GBP7: variants seen among roughly 807,000 people sequenced by gnomAD.
GBP7 encodes the protein guanylate-binding protein 7.
A neutral mutation model predicts 61.3 loss-of-function variants in GBP7; 43 were observed. The observed-to-expected ratio is 0.70, with a 90% CI of 0.55 to 0.91. The LOEUF is 0.91. Among genes scored for constraint, GBP7 ranks in the 40% least tolerant of loss-of-function variants. The pLI is 0.00. For missense variants in GBP7, 717 were observed against 740.5 expected, an observed-to-expected ratio of 0.97 and a Z score of 0.37; for synonymous variants, 267 against 271.0, an observed-to-expected ratio of 0.99 and a Z score of 0.14.
intron 6 of GBP7, 54 bp downstream of exon 6, chr1:89,150,276 G>GT (rs1682161780): frequency 2.0e-6 from 3 of 1,536,434 alleles, no homozygotes; most frequent in African/African-American, 1.4e-5. Flanking sequence ...TAGTTTACTA[G>GT]TTTTTGAGAT....
intron 2 of GBP7, among the ~76,000 whole-genome samples, chr1:89,167,851 A>G (rs1647485082): frequency 6.6e-6 from 1 of 152,230 alleles, no homozygotes; most frequent in African/African-American, 2.4e-5. Flanking sequence ...GACATTCCCA[A>G]CCAGATTCAT....
chr1:89,153,840 T>A (rs1234860069), intron 3 of GBP7, among the ~76,000 whole-genome samples: 5 of 152,132 alleles, frequency 3.3e-5, no homozygotes, highest in Non-Finnish European at 5.9e-5. Context: ...TCAAATAAGA[T>A]GGCAGTAGGT....
At chr1:89,135,423 G>A (rs1681777098) in intron 9 of GBP7, among the ~76,000 whole-genome samples, 1 of 151,940 alleles carries the variant, frequency 6.6e-6, no homozygotes, top group African/African-American at 2.4e-5. Flanking sequence ...CAGTGCAAAA[G>A]AAAAAATATT....
rs1457763089 is a variant in GBP7, at chr1:89,149,590, T to C, written c.872-18A>G. ...CCCCAGCCCTGAATGATTTAGGAAA[T>C]TTAGGGAATAGATAGAAAGTTTTCA... On this transcript the variant is annotated intron_variant, in intron 6 of 10. Coordinates refer to ENST00000294671, the MANE Select transcript of GBP7 (RefSeq NM_207398.3). 1 of 1,593,482 alleles carries C rather than the reference T, an allele frequency of 6.3e-7. No homozygotes were observed. Among genetic ancestry groups the C allele is most frequent in the East Asian group, 2.3e-5 (1 of 44,418 alleles).
At chr1:89,173,815 T>G (rs1647667230) in intron 1 of GBP7, among the ~76,000 whole-genome samples, 1 of 152,184 alleles carries the variant, frequency 6.6e-6, no homozygotes, top group East Asian at 1.9e-4. Flanking sequence ...AATGCAGAGC[T>G]TTTCAAAAAG....
intron 9 of GBP7, among the ~76,000 whole-genome samples, chr1:89,134,067 A>G (rs889162389): frequency 5.9e-5 from 9 of 152,146 alleles, no homozygotes; most frequent in African/African-American, 1.9e-4. Context: ...AGCCTCTCTC[A>G]TGGTCCCTGC....
chr1:89,161,805 C>A (rs927367256), intron 3 of GBP7, among the ~76,000 whole-genome samples: 17 of 152,032 alleles, frequency 1.1e-4, no homozygotes, highest in African/African-American at 3.9e-4. Context: ...GCTTTTGTTA[C>A]TATAGCTTTT....
At chr1:89,174,164 G>T (rs754453740) in intron 1 of GBP7, among the ~76,000 whole-genome samples, 2 of 152,120 alleles carry the variant, frequency 1.3e-5, no homozygotes, top group Admixed American at 6.5e-5. Context: ...CATTTAGATT[G>T]TTTCAAATAT....
chr1:89,158,655 G>A (rs1455748361), intron 3 of GBP7, among the ~76,000 whole-genome samples: 1 of 151,908 alleles, frequency 6.6e-6, no homozygotes, highest in East Asian at 1.9e-4. Context: ...ACTTACAAGG[G>A]ATGTGAAGGA....
intron 2 of GBP7, among the ~76,000 whole-genome samples, chr1:89,167,425 G>GT (rs1029070917): frequency 1.3e-5 from 2 of 152,096 alleles, no homozygotes; most frequent in African/African-American, 2.4e-5. Context: ...AGTACTCTGT[G>GT]TTTTTTTGTT....
intron 2 of GBP7, among the ~76,000 whole-genome samples, chr1:89,168,981 A>C (rs28769895): frequency 6.7e-6 from 1 of 149,870 alleles, no homozygotes; most frequent in Non-Finnish European, 1.5e-5. Context: ...AGTTAAAAAA[A>C]AAACAAAAAA....
chr1:89,153,142 T>C (rs998274986), intron 3 of GBP7, among the ~76,000 whole-genome samples: 7 of 152,234 alleles, frequency 4.6e-5, no homozygotes, highest in Non-Finnish European at 8.8e-5. Context: ...ACTTTTTGTA[T>C]GCAATAAACT....
intron 3 of GBP7, among the ~76,000 whole-genome samples, chr1:89,163,178 G>T (rs1647323711): frequency 1.3e-5 from 2 of 152,010 alleles, no homozygotes; most frequent in Admixed American, 6.6e-5. Flanking sequence ...ATTTTGTTGA[G>T]GATTTTTGCA....
At position 89,162,605 on chromosome 1, in the gene GBP7, C is replaced by T. The variant is rs1458294999; in HGVS notation, c.318+2126G>A. Among the ~76,000 whole-genome samples, 12 of 152,180 alleles carry T rather than the reference C, an allele frequency of 7.9e-5. No individual in the cohort carries two copies. The South Asian group carries it at 2.5e-3, about 32-fold the overall frequency. On this transcript the variant is annotated intron_variant, in intron 3 of 10. Transcript: ENST00000294671. ...AGGAATGTTAGTGATTTTTGCATAT[C>T]GATTTTGTATCCTGAGACTTTGCTG...
chr1:89,139,230 C>G (rs920322426), intron 9 of GBP7, among the ~76,000 whole-genome samples: 5 of 152,194 alleles, frequency 3.3e-5, no homozygotes, highest in Non-Finnish European at 7.3e-5. Context: ...GCTGGGAAAA[C>G]TGGCTGGCCA....
intron 3 of GBP7, among the ~76,000 whole-genome samples, chr1:89,156,740 T>C (rs944550124): frequency 6.6e-6 from 1 of 152,100 alleles, no homozygotes; most frequent in African/African-American, 2.4e-5. Flanking sequence ...AGACTTAGAC[T>C]CCCACACAAT....
At chr1:89,136,799 C>G (rs1242532255) in intron 9 of GBP7, among the ~76,000 whole-genome samples, 2 of 151,832 alleles carry the variant, frequency 1.3e-5, no homozygotes, top group Non-Finnish European at 2.9e-5. Flanking sequence ...CAAGAAATAA[C>G]CAAAATCAGA....
At chr1:89,138,316 T>G (rs1025803625) in intron 9 of GBP7, among the ~76,000 whole-genome samples, 9 of 151,194 alleles carry the variant, frequency 6.0e-5, no homozygotes, top group African/African-American at 2.2e-4. Flanking sequence ...TATTCTAACA[T>G]CCACATGGAA....
chr1:89,140,908 G>A (rs542927591), intron 9 of GBP7, among the ~76,000 whole-genome samples: 79 of 152,276 alleles, frequency 5.2e-4, no homozygotes, highest in Non-Finnish European at 3.4e-4. Context: ...CACTGTGGAT[G>A]CAGCTGGAGG....
Sources: allele counts gnomAD v4.1 joint callset (sites outside exome capture counted in the v4.1 genomes callset), GRCh38; gene constraint gnomAD v4.1.1; transcripts MANE v1.5; gene names NCBI Gene and HGNC (gene_info 2026-07-23, HGNC 2026-07-21).